Variants in OPCML observed in about 807,000 individuals in gnomAD.
The protein encoded by OPCML is opioid binding protein/cell adhesion molecule like.
OPCML carries 13 observed loss-of-function variants against 37.8 expected under a neutral mutation model. The ratio of observed to expected loss-of-function variants is 0.34; its 90% confidence interval spans 0.22 to 0.55. OPCML has a LOEUF of 0.55. Ranked by LOEUF, OPCML falls within the 20% of genes least tolerant of loss-of-function variation. OPCML has a pLI of 0.91. For synonymous variants in OPCML, 176 were observed against 168.8 expected, an observed-to-expected ratio of 1.04 and a Z score of -0.33; for missense variants, 341 against 435.6, an observed-to-expected ratio of 0.78 and a Z score of 1.93.
rs187703469 is a variant in OPCML at position 132,864,442 on chromosome 11, G to A, written c.146+78484C>T. Among the ~76,000 whole-genome samples, 390 of 152,234 alleles carry A rather than the reference G, an allele frequency of 2.6e-3. 1 individual carries two copies. Among genetic ancestry groups the A allele is most frequent in the Admixed American group, 4.7e-3 (72 of 15,290 alleles). On this transcript the variant is annotated intron_variant, in intron 2 of 7. Transcript: ENST00000524381. ...TTCAGTTAAATCACTTAACATCCCT[G>A]AGCCTCAGTTTCCTCATTTATAAAA...
At chr11:132,469,623 G>T in intron 4 of OPCML, among the ~76,000 whole-genome samples, 1 of 144,714 alleles carries the variant, frequency 6.9e-6, no homozygotes, top group African/African-American at 2.6e-5. Context: ...GTATGTGTGT[G>T]GGGTGTGTGT....
chr11:133,246,051 A>C (rs1176040947), intron 1 of OPCML, among the ~76,000 whole-genome samples: 1 of 133,982 alleles, frequency 7.5e-6, no homozygotes, highest in African/African-American at 3.3e-5. Flanking sequence ...TAGGTGCAGC[A>C]ACCGCCATGG....
intron 1 of OPCML, among the ~76,000 whole-genome samples, chr11:133,053,897 G>A (rs759018248): frequency 4.6e-5 from 7 of 152,000 alleles, no homozygotes; most frequent in Admixed American, 2.0e-4. Flanking sequence ...GTCCAACAGC[G>A]CCCTTAAATA....
chr11:132,444,664 C>G (rs1255765410), intron 4 of OPCML, among the ~76,000 whole-genome samples: 1 of 152,116 alleles, frequency 6.6e-6, no homozygotes, highest in Non-Finnish European at 1.5e-5. Flanking sequence ...CTCCCCCTCT[C>G]CCTCTCCTAT....
intron 1 of OPCML, among the ~76,000 whole-genome samples, chr11:133,243,255 C>G (rs1289924366): frequency 6.6e-6 from 1 of 152,092 alleles, no homozygotes; most frequent in African/African-American, 2.4e-5. Context: ...AAAAAATAGG[C>G]CAAATGAAGT....
intron 1 of OPCML, among the ~76,000 whole-genome samples, chr11:133,123,210 A>T (rs1949447826): frequency 6.6e-6 from 1 of 152,126 alleles, no homozygotes; most frequent in African/African-American, 2.4e-5. Flanking sequence ...TATTGATTAT[A>T]TGGTTTGGGA....
intron 2 of OPCML, among the ~76,000 whole-genome samples, chr11:132,691,309 C>T (rs1012045995): frequency 7.9e-5 from 12 of 152,182 alleles, no homozygotes; most frequent in East Asian, 1.9e-4. Context: ...TGGCTATTCA[C>T]GGTCAAAACA....
intron 1 of OPCML, among the ~76,000 whole-genome samples, chr11:132,989,168 T>C (rs556519818): frequency 2.0e-5 from 3 of 152,282 alleles, no homozygotes; most frequent in African/African-American, 7.2e-5. Flanking sequence ...ACCCAGCGAA[T>C]CCATTCCTCA....
At chr11:133,220,419 A>T (rs961053627) in intron 1 of OPCML, among the ~76,000 whole-genome samples, 9 of 152,114 alleles carry the variant, frequency 5.9e-5, no homozygotes, top group Non-Finnish European at 1.0e-4. Context: ...TTCCACATGA[A>T]GGCCACCCTT....
At chr11:132,472,914 T>C (rs2096142555) in intron 4 of OPCML, among the ~76,000 whole-genome samples, 1 of 152,250 alleles carries the variant, frequency 6.6e-6, no homozygotes, top group African/African-American at 2.4e-5. Flanking sequence ...CTCTGAATGT[T>C]AACCCAAGAA....
intron 4 of OPCML, among the ~76,000 whole-genome samples, chr11:132,523,599 GA>G (rs1157871942): frequency 2.6e-5 from 4 of 151,986 alleles, no homozygotes; most frequent in Non-Finnish European, 5.9e-5. Flanking sequence ...ATGGAAGAAA[GA>G]AAAAATACAG....
intron 1 of OPCML, among the ~76,000 whole-genome samples, chr11:133,444,800 T>A (rs546405671): frequency 2.3e-5 from 2 of 86,536 alleles, no homozygotes; most frequent in Admixed American, 1.2e-4. Flanking sequence ...TGTTTTTTGG[T>A]TTTTTTTGCA....
At chr11:132,549,004 G>A (rs2096375300) in intron 3 of OPCML, among the ~76,000 whole-genome samples, 5 of 152,094 alleles carry the variant, frequency 3.3e-5, no homozygotes, top group Admixed American at 3.3e-4. Flanking sequence ...ACTCCATCTT[G>A]GACATGGGCT....
chr11:133,436,820 C>T (rs1946243063), intron 1 of OPCML, among the ~76,000 whole-genome samples: 1 of 152,126 alleles, frequency 6.6e-6, no homozygotes, highest in Non-Finnish European at 1.5e-5. Flanking sequence ...TGTGAAAACC[C>T]CCGCGTAACT....
chr11:133,404,094 C>G (rs1945473009), intron 1 of OPCML, among the ~76,000 whole-genome samples: 1 of 151,978 alleles, frequency 6.6e-6, no homozygotes, highest in South Asian at 2.1e-4. Context: ...CTGCTCTGTG[C>G]TTCTGGTGGC....
chr11:133,247,766 C>A (rs567254907), intron 1 of OPCML, among the ~76,000 whole-genome samples: 1 of 152,078 alleles, frequency 6.6e-6, no homozygotes, highest in East Asian at 1.9e-4. Flanking sequence ...CCATGCCCAA[C>A]TAATTTTTGT....
chr11:133,293,294 C>T (rs1942532803), intron 1 of OPCML, among the ~76,000 whole-genome samples: 1 of 152,178 alleles, frequency 6.6e-6, no homozygotes, highest in Non-Finnish European at 1.5e-5. Flanking sequence ...TGCACACCCT[C>T]TGTGACCTAG....
chr11:133,451,229 C>A (rs1378781311), intron 1 of OPCML, among the ~76,000 whole-genome samples: 2 of 151,514 alleles, frequency 1.3e-5, no homozygotes, highest in Non-Finnish European at 2.9e-5. Context: ...TGGATACACA[C>A]AACAAAATTA....
intron 3 of OPCML, among the ~76,000 whole-genome samples, chr11:132,580,006 G>T (rs1462153577): frequency 2.0e-5 from 3 of 152,112 alleles, no homozygotes; most frequent in Non-Finnish European, 4.4e-5. Context: ...GGTCCCTCCT[G>T]GAGACCACAC....
Sources: gnomAD v4.1 joint callset for allele counts (sites outside exome capture counted in the v4.1 genomes callset) on GRCh38, gnomAD v4.1.1 for gene constraint, MANE v1.5 for transcripts, NCBI Gene and HGNC (gene_info 2026-07-23, HGNC 2026-07-21) for gene names.